GRB10: variants seen among roughly 807,000 people sequenced by gnomAD.
GRB10 encodes the protein growth factor receptor-bound protein 10.
Under a neutral mutation model 80.9 loss-of-function variants are expected in GRB10, and 20 were observed. The ratio of observed to expected loss-of-function variants is 0.25; its 90% CI spans 0.17 to 0.36. The LOEUF (loss-of-function observed/expected upper bound fraction) is 0.36. Among genes scored for constraint, GRB10 ranks in the 10% least tolerant of loss-of-function variants. The probability of loss-of-function intolerance (pLI) is 1.00; values close to 1 mark genes in which losing one functional copy is unlikely to be tolerated. For missense variants in GRB10, 548 were observed against 747.7 expected (o/e 0.73, Z 3.12); for synonymous variants, 291 against 291.5 (o/e 1.00, Z 0.02).
At chr7:50,683,372 A>G (rs2061745027) in intron 5 of GRB10, among the ~76,000 whole-genome samples, 1 of 152,164 alleles carries the variant, frequency 6.6e-6, no homozygotes, top group Admixed American at 6.5e-5. Flanking sequence ...ATAGAGTTCT[A>G]TGGATGGATG....
At chr7:50,791,265 A>G (rs2078903427) in intron 1 of GRB10, among the ~76,000 whole-genome samples, 1 of 152,224 alleles carries the variant, frequency 6.6e-6, no homozygotes, top group African/African-American at 2.4e-5. Context: ...TTAAATGTAA[A>G]AAGTGAGTGA....
intron 14 of GRB10, 143 bp downstream of exon 14, chr7:50,606,194 G>A (rs1223115290): frequency 5.1e-6 from 4 of 777,874 alleles, no homozygotes; most frequent in South Asian, 1.4e-5. Flanking sequence ...CCACGTCATC[G>A]TGGGACATAC....
At chr7:50,643,540 C>T (rs1346445176) in intron 7 of GRB10, among the ~76,000 whole-genome samples, 2 of 152,166 alleles carry the variant, frequency 1.3e-5, no homozygotes, top group African/African-American at 4.8e-5. Flanking sequence ...AAAAGAATAA[C>T]ATAAAGGATG....
chr7:50,617,112 T>A (rs1378308623), intron 10 of GRB10, among the ~76,000 whole-genome samples: 2 of 152,190 alleles, frequency 1.3e-5, no homozygotes, highest in East Asian at 3.9e-4. Flanking sequence ...TCAAGGCAAT[T>A]AAAACAGAAT....
At chr7:50,751,623 T>C (rs73113860) in intron 3 of GRB10, among the ~76,000 whole-genome samples, 9,717 of 152,288 alleles carry the variant, frequency 0.064, 703 homozygotes, top group Admixed American at 0.18. Flanking sequence ...AATATTTTCA[T>C]TACCTTGGTT....
chr7:50,755,757 GGAATAAAGGTTCTAGT>G (rs1436373001), intron 3 of GRB10, 114 bp downstream of exon 3: 1 of 397,198 alleles, frequency 2.5e-6, no homozygotes, highest in Non-Finnish European at 4.4e-6. Context: ...TGGGAACCTT[GGAATAAAGGTTCTAGT>G]ATCAGGCCTC....
At chr7:50,726,675 C>A (rs115029585) in intron 4 of GRB10, among the ~76,000 whole-genome samples, 1 of 152,280 alleles carries the variant, frequency 6.6e-6, no homozygotes, top group African/African-American at 2.4e-5. Flanking sequence ...GATCAGCACA[C>A]ATGACACATT....
At chr7:50,615,299 TCTC>T (rs2050390724) in intron 11 of GRB10, among the ~76,000 whole-genome samples, 2 of 152,042 alleles carry the variant, frequency 1.3e-5, no homozygotes, top group South Asian at 4.2e-4. Context: ...GTCCCACCCT[TCTC>T]CTCCTCAACT....
intron 5 of GRB10, among the ~76,000 whole-genome samples, chr7:50,700,367 T>C (rs1171859594): frequency 1.3e-5 from 2 of 152,224 alleles, no homozygotes; most frequent in Non-Finnish European, 2.9e-5. Flanking sequence ...TGATGCTGTT[T>C]TTAAAACTTG....
At chr7:50,747,688 G>A (rs1328098443) in intron 3 of GRB10, 1 of 152,248 alleles carries the variant, frequency 6.6e-6, no homozygotes, top group Non-Finnish European at 1.5e-5. Flanking sequence ...AGGCCGCCTG[G>A]GAGGAGAGAA....
At chr7:50,680,255 T>C (rs762431712) in intron 5 of GRB10, among the ~76,000 whole-genome samples, 7 of 152,186 alleles carry the variant, frequency 4.6e-5, no homozygotes, top group Non-Finnish European at 1.0e-4. Flanking sequence ...ATAAATATCC[T>C]TGTACCTAGA....
intron 5 of GRB10, among the ~76,000 whole-genome samples, chr7:50,690,053 T>C (rs2062616230): frequency 6.6e-6 from 1 of 151,704 alleles, no homozygotes; most frequent in South Asian, 2.1e-4. Context: ...TCCCAGCACT[T>C]TGGGAGGCCA....
intron 5 of GRB10, among the ~76,000 whole-genome samples, chr7:50,701,600 AAAT>A (rs1287715718): frequency 6.6e-6 from 1 of 150,772 alleles, no homozygotes; most frequent in Non-Finnish European, 1.5e-5. Flanking sequence ...AATAAAAATA[AAAT>A]AATAATCATT....
chr7:50,768,738 T>A (rs1018587743), intron 2 of GRB10, among the ~76,000 whole-genome samples: 3 of 152,204 alleles, frequency 2.0e-5, no homozygotes, highest in Non-Finnish European at 2.9e-5. Flanking sequence ...ATTGCTTTTA[T>A]CAGTTCTGCA....
intron 3 of GRB10, among the ~76,000 whole-genome samples, chr7:50,748,355 T>C (rs1344987950): frequency 1.3e-5 from 2 of 152,130 alleles, no homozygotes; most frequent in Admixed American, 6.5e-5. Flanking sequence ...GCCATGCAGA[T>C]GGACACGAGT....
chr7:50,752,097 CCA>C (rs1217987482), intron 3 of GRB10, among the ~76,000 whole-genome samples: 1 of 152,142 alleles, frequency 6.6e-6, no homozygotes, highest in Admixed American at 6.5e-5. Context: ...TCATACAAAA[CCA>C]CAGAGTCAGG....
intron 5 of GRB10, among the ~76,000 whole-genome samples, chr7:50,689,393 C>T (rs1285713193): frequency 6.6e-6 from 1 of 152,168 alleles, no homozygotes; most frequent in Non-Finnish European, 1.5e-5. Flanking sequence ...TGTCATTGCC[C>T]CCTCACTCTT....
intron 17 of GRB10, among the ~76,000 whole-genome samples, chr7:50,598,185 G>C (rs1012685547): frequency 2.0e-4 from 31 of 152,170 alleles, no homozygotes; most frequent in African/African-American, 7.5e-4. Flanking sequence ...TCTCTTACAG[G>C]ACCATTGAGA....
intron 4 of GRB10, among the ~76,000 whole-genome samples, chr7:50,723,789 C>A (rs941989149): frequency 5.9e-5 from 9 of 152,222 alleles, no homozygotes; most frequent in African/African-American, 1.7e-4. Flanking sequence ...TCACCTCCCG[C>A]TGGCCACATG....
Sources: gnomAD v4.1 joint callset for allele counts (sites outside exome capture counted in the v4.1 genomes callset) on GRCh38, gnomAD v4.1.1 for gene constraint, MANE v1.5 for transcripts, NCBI Gene and HGNC (gene_info 2026-07-23, HGNC 2026-07-21) for gene names.